ADAMTSL1: variants seen among roughly 807,000 people sequenced by gnomAD.
The protein encoded by ADAMTSL1 is ADAMTS-like protein 1.
ADAMTSL1 carries 126 observed loss-of-function variants against 201.8 expected under a neutral mutation model. That is an observed-to-expected ratio of 0.62 (90% confidence interval 0.54 to 0.72). The LOEUF (loss-of-function observed/expected upper bound fraction) is 0.72. Ranked by LOEUF, ADAMTSL1 falls within the 30% of genes least tolerant of loss-of-function variation. ADAMTSL1 has a pLI of 0.00. For missense variants in ADAMTSL1, 2,679 were observed against 2,277.8 expected, an observed-to-expected ratio of 1.18 and a Z score of -3.59; for synonymous variants, 1,121 against 903.4, an observed-to-expected ratio of 1.24 and a Z score of -4.32.
At chr9:18,448,027 TTCTC>T (rs10557934) in intron 2 of ADAMTSL1, among the ~76,000 whole-genome samples, 1,520 of 149,626 alleles carry the variant, frequency 0.01, 13 homozygotes, top group African/African-American at 0.023. Context: ...CTCTCGCTCT[TTCTC>T]TCTCTCTCTC....
chr9:18,454,115 G>C (rs774346135), intron 2 of ADAMTSL1, among the ~76,000 whole-genome samples: 1 of 152,162 alleles, frequency 6.6e-6, no homozygotes, highest in African/African-American at 2.4e-5. Flanking sequence ...CTAAGCTGGA[G>C]ACCCTAAGCA....
chr9:18,311,094 T>G (rs1425817681), intron 2 of ADAMTSL1, among the ~76,000 whole-genome samples: 2 of 151,420 alleles, frequency 1.3e-5, no homozygotes, highest in Non-Finnish European at 2.9e-5. Flanking sequence ...CTCAGCAAAG[T>G]AACACAGGAA....
At chr9:17,907,984 G>T (rs1446986535) in intron 1 of ADAMTSL1, among the ~76,000 whole-genome samples, 1 of 152,064 alleles carries the variant, frequency 6.6e-6, no homozygotes, top group Non-Finnish European at 1.5e-5. Flanking sequence ...GTCCAAATAG[G>T]GGGATTTCCT....
At chr9:18,523,312 T>C (rs942314784) in intron 2 of ADAMTSL1, among the ~76,000 whole-genome samples, 1 of 152,214 alleles carries the variant, frequency 6.6e-6, no homozygotes, top group Non-Finnish European at 1.5e-5. Flanking sequence ...TGTAAATTTG[T>C]TTGAATTCTT....
rs146916471 is a variant in ADAMTSL1, at chr9:18,117,015, C to G, written c.88-46847C>G. Reference sequence around the variant, plus strand: ...AAGCCTAAGCCTCAGAGGCATTTGACTTCTCTTTTTTTCTCATACACCTCA... The same window carrying G: ...AAGCCTAAGCCTCAGAGGCATTTGAGTTCTCTTTTTTTCTCATACACCTCA... On this transcript the variant is annotated intron_variant, in intron 1 of 29. Coordinates refer to the ADAMTSL1 transcript ENST00000680146. Among the ~76,000 whole-genome samples the G allele has an allele frequency of 2.5e-3, 386 of 152,284 alleles. 2 individuals carry two copies. The highest frequency in any genetic ancestry group is 8.7e-3 in the African/African-American group (363 of 41,590).
chr9:18,749,202 G>C (rs1819316956), intron 15 of ADAMTSL1, among the ~76,000 whole-genome samples: 1 of 151,874 alleles, frequency 6.6e-6, no homozygotes, highest in Admixed American at 6.5e-5. Context: ...CCTTTTTTTG[G>C]AGACACAGGT....
intron 2 of ADAMTSL1, among the ~76,000 whole-genome samples, chr9:18,374,008 G>A (rs997237638): frequency 1.3e-5 from 2 of 152,178 alleles, no homozygotes; most frequent in African/African-American, 4.8e-5. Context: ...CATCTGGGGA[G>A]CTTTCTGCTA....
intron 1 of ADAMTSL1, among the ~76,000 whole-genome samples, chr9:18,126,673 G>A (rs1309302573): frequency 1.3e-5 from 2 of 152,116 alleles, no homozygotes; most frequent in South Asian, 4.1e-4. Flanking sequence ...AAATCTTAAA[G>A]CAGTGGTCGT....
At chr9:18,769,138 T>A (rs1820536011) in intron 16 of ADAMTSL1, among the ~76,000 whole-genome samples, 1 of 152,190 alleles carries the variant, frequency 6.6e-6, no homozygotes, top group Non-Finnish European at 1.5e-5. Context: ...GGGCTGCAGC[T>A]ATGTTCTGAC....
intron 25 of ADAMTSL1, chr9:18,890,616 A>G: frequency 2.2e-6 from 1 of 455,844 alleles, no homozygotes; most frequent in African/African-American, 2.0e-5. Flanking sequence ...ATGCTCATTA[A>G]TATCAGCAGT....
chr9:18,388,636 T>A (rs1183071602), intron 2 of ADAMTSL1, among the ~76,000 whole-genome samples: 1 of 152,098 alleles, frequency 6.6e-6, no homozygotes, highest in Non-Finnish European at 1.5e-5. Flanking sequence ...AATTGCTTCC[T>A]TTCTAGACTT....
chr9:17,908,683 C>G (rs962309066), intron 1 of ADAMTSL1, among the ~76,000 whole-genome samples: 1 of 152,210 alleles, frequency 6.6e-6, no homozygotes, highest in Non-Finnish European at 1.5e-5. Context: ...GTCTCAAACT[C>G]CTGGTCTCAG....
chr9:18,892,317 G>T, intron 25 of ADAMTSL1, 72 bp from the exon 26 acceptor site: 1 of 1,450,288 alleles, frequency 6.9e-7, no homozygotes, highest in Non-Finnish European at 9.4e-7. Flanking sequence ...CAGGGATGTC[G>T]GTGGGGAGGA....
intron 23 of ADAMTSL1, among the ~76,000 whole-genome samples, chr9:18,886,164 G>A (rs1222732657): frequency 3.2e-5 from 2 of 62,196 alleles, no homozygotes; most frequent in African/African-American, 5.1e-5. Flanking sequence ...GAGTGTGTAT[G>A]TGTATATATA....
In ADAMTSL1 at chr9:18,910,187, A is replaced by G. The variant is rs2131639965; in HGVS notation, c.*1639A>G. The G allele has an allele frequency of 6.6e-6, 1 of 152,344 alleles. No homozygotes were observed. Among genetic ancestry groups the G allele is most frequent in the South Asian group, 2.1e-4 (1 of 4,828 alleles). The allele number at this position is 152,344 out of a possible 1,614,324, so 9.4% of individuals were successfully genotyped here. ...TGTCCCCACCTAGTGAGCTGTGGAC[A>G]GGTTTAAGTTGGGTCTCCTTCTTCT... On this transcript the variant is annotated 3_prime_UTR_variant, in exon 29 of 29. Transcript: ENST00000380548.
intron 15 of ADAMTSL1, among the ~76,000 whole-genome samples, chr9:18,735,317 T>C (rs961993417): frequency 6.6e-6 from 1 of 152,252 alleles, no homozygotes; most frequent in Admixed American, 6.5e-5. Flanking sequence ...CGAAGTTTTC[T>C]GAGTTCCGTG....
At chr9:18,186,419 C>T (rs1255632237) in intron 2 of ADAMTSL1, among the ~76,000 whole-genome samples, 3 of 152,126 alleles carry the variant, frequency 2.0e-5, no homozygotes, top group Non-Finnish European at 4.4e-5. Context: ...TGAGTAAATG[C>T]TGGCAATGTC....
chr9:18,147,322 A>G (rs957520707), intron 1 of ADAMTSL1, among the ~76,000 whole-genome samples: 2 of 152,138 alleles, frequency 1.3e-5, no homozygotes, highest in East Asian at 1.9e-4. Context: ...TAGAAATAGT[A>G]TAATATTTTA....
At chr9:18,415,831 A>G (rs1818650164) in intron 2 of ADAMTSL1, among the ~76,000 whole-genome samples, 1 of 152,132 alleles carries the variant, frequency 6.6e-6, no homozygotes, top group South Asian at 2.1e-4. Context: ...ATAGAGAAGC[A>G]AAGTTAAATA....
Sources: gnomAD v4.1 joint callset for allele counts (sites outside exome capture counted in the v4.1 genomes callset) on GRCh38, gnomAD v4.1.1 for gene constraint, MANE v1.5 for transcripts, NCBI Gene and HGNC (gene_info 2026-07-23, HGNC 2026-07-21) for gene names.